The following RANBP2 variants were observed in gnomAD, a reference collection of about 807,000 sequenced individuals.
The protein encoded by RANBP2 is RAN binding protein 2, also known as E3 SUMO-protein ligase RanBP2.
Under a neutral mutation model 303.6 loss-of-function variants are expected in RANBP2, and 57 were observed. That is an observed-to-expected ratio of 0.19 (90% CI 0.15 to 0.23). The LOEUF (loss-of-function observed/expected upper bound fraction) is 0.23, where lower values mean the gene tolerates loss of function less well. RANBP2 is among the 10% of genes least tolerant of loss of function. The pLI, the probability that RANBP2 is intolerant of heterozygous loss-of-function variation, is 1.00. For synonymous variants in RANBP2, 1,167 were observed against 1,301.5 expected (o/e 0.90, Z 2.23); for missense variants, 3,138 against 3,780.8 (o/e 0.83, Z 4.46).
the RANBP2 span, among the ~76,000 whole-genome samples, chr2:109,213,057 C>T: frequency 6.6e-6 from 1 of 152,200 alleles, no homozygotes; most frequent in East Asian, 1.9e-4. Flanking sequence ...AGGATGCAGT[C>T]CTGGGAAGGC....
intron 7 of RANBP2, among the ~76,000 whole-genome samples, chr2:108,745,817 A>G (rs1249144857): frequency 6.6e-6 from 1 of 151,742 alleles, no homozygotes; most frequent in Non-Finnish European, 1.5e-5. Flanking sequence ...TCGAAAAGTA[A>G]TGTAATTAAA....
the RANBP2 span, among the ~76,000 whole-genome samples, chr2:109,467,826 C>A: frequency 6.6e-6 from 1 of 152,202 alleles, no homozygotes; most frequent in African/African-American, 2.4e-5. Context: ...GCTGCACACG[C>A]AGAGGAACAG....
chr2:109,699,350 G>A, the RANBP2 span, among the ~76,000 whole-genome samples: 1 of 151,864 alleles, frequency 6.6e-6, no homozygotes, highest in Non-Finnish European at 1.5e-5. Flanking sequence ...GGGCTAGGGG[G>A]ACTGACCCCC....
At chr2:109,698,758 A>G in the RANBP2 span, among the ~76,000 whole-genome samples, 8 of 149,876 alleles carry the variant, frequency 5.3e-5, no homozygotes, top group African/African-American at 2.0e-4. Flanking sequence ...GTTTTTTTGC[A>G]TTCTTTTAAA....
the RANBP2 span, among the ~76,000 whole-genome samples, chr2:108,796,179 G>A: frequency 1.3e-5 from 2 of 152,034 alleles, no homozygotes; most frequent in African/African-American, 2.4e-5. Flanking sequence ...CTCCCGAGTA[G>A]CTGGGACTAC....
At chr2:109,180,202 A>G in the RANBP2 span, among the ~76,000 whole-genome samples, 1 of 151,850 alleles carries the variant, frequency 6.6e-6, no homozygotes, top group South Asian at 2.1e-4. Context: ...GCTGCCACTG[A>G]ACCACTGCCC....
the RANBP2 span, among the ~76,000 whole-genome samples, chr2:109,088,173 C>T: frequency 2.0e-5 from 3 of 151,762 alleles, no homozygotes; most frequent in Non-Finnish European, 2.9e-5. Context: ...CCGAGGTGGG[C>T]GGATCACAAG....
the RANBP2 span, among the ~76,000 whole-genome samples, chr2:109,713,501 C>T: frequency 8.7e-3 from 1,320 of 152,324 alleles, 5 homozygotes; most frequent in Middle Eastern, 0.044. Context: ...CCTCTCAGCG[C>T]TCCAGCTTCT....
chr2:109,088,139 C>T, the RANBP2 span, among the ~76,000 whole-genome samples: 2 of 152,000 alleles, frequency 1.3e-5, no homozygotes, highest in South Asian at 4.1e-4. Context: ...TGGCTCACAC[C>T]TGTAATCCCA....
At chr2:109,447,620 C>T in the RANBP2 span, among the ~76,000 whole-genome samples, 1 of 152,128 alleles carries the variant, frequency 6.6e-6, no homozygotes, top group Non-Finnish European at 1.5e-5. Context: ...GCCCAGGTCT[C>T]CACTTGGGCC....
rs754864197 is a variant in RANBP2 at position 108,768,005 on chromosome 2, C to T, written c.7466C>T (p.Ala2489Val). 12 of 1,611,788 alleles carry T rather than the reference C, an allele frequency of 7.4e-6. No homozygotes were observed. The South Asian group carries it at 1.3e-4, about 18-fold the overall frequency. The change falls in exon 20 of 29, where the codon GCA (alanine) becomes GTA (valine). Residue 2489 changes from alanine to valine, a missense_variant. Ala to Val is a moderately conservative substitution (Grantham distance 64). Around this residue, in one of 20 missense-constraint regions of RANBP2, gnomAD observed 497 missense variants for 465.8 expected, o/e 1.07. Transcript: ENST00000283195. ...RTDVIQGDDV[A>V]DATSEVEVSS... ...GATGTTATTCAGGGTGATGATGTAG[C>T]AGATGCAACTTCAGAAGTTGAAGTG...
the RANBP2 span, chr2:108,804,893 A>G: frequency 9.0e-6 from 14 of 1,548,562 alleles, no homozygotes; most frequent in East Asian, 2.3e-5. Flanking sequence ...TCCTAGCAGC[A>G]TGATGCAGAA....
the RANBP2 span, among the ~76,000 whole-genome samples, chr2:109,242,408 C>T: frequency 6.6e-6 from 1 of 152,170 alleles, no homozygotes; most frequent in Non-Finnish European, 1.5e-5. Flanking sequence ...TGGTCACACC[C>T]ATAGAGCAGC....
chr2:109,763,282 G>A, the RANBP2 span, among the ~76,000 whole-genome samples: 2 of 150,420 alleles, frequency 1.3e-5, no homozygotes, highest in Admixed American at 6.8e-5. Context: ...ACATGTTTTA[G>A]CTCATTTAAT....
rs1404096217 is a variant in RANBP2, at chr2:108,785,558, A to G, written c.*1657A>G. On this transcript the variant is annotated 3_prime_UTR_variant, in exon 29 of 29. Coordinates refer to ENST00000283195, the MANE Select transcript of RANBP2 (RefSeq NM_006267.5). ...AAATTAAAAAGCTTTAAAAACTTTG[A>G]CCAAAAATTTGACAAAATGACATGT... 2 of 152,344 alleles carry G rather than the reference A, an allele frequency of 1.3e-5. No homozygotes were observed. Among genetic ancestry groups the G allele is most frequent in the East Asian group, 3.9e-4 (2 of 5,188 alleles). The allele number at this position is 152,344 out of a possible 1,614,324, so 9.4% of individuals were successfully genotyped here. A position where few individuals can be genotyped will look rare whatever the true frequency, so the allele number is the denominator to read the frequency against.
the RANBP2 span, among the ~76,000 whole-genome samples, chr2:108,843,844 TTGTG>T: frequency 6.1e-4 from 14 of 22,836 alleles, no homozygotes; most frequent in Admixed American, 1.8e-3. Context: ...AGTTCATGTT[TTGTG>T]TGTGTGTGTG....
chr2:108,754,110 A>C, intron 15 of RANBP2, 139 bp downstream of exon 15: 2 of 1,591,248 alleles, frequency 1.3e-6, no homozygotes, highest in Non-Finnish European at 1.7e-6. Context: ...ATGTGTGTCT[A>C]AATGCTTATA....
At chr2:108,969,170 T>A in the RANBP2 span, among the ~76,000 whole-genome samples, 62 of 152,272 alleles carry the variant, frequency 4.1e-4, no homozygotes, top group African/African-American at 1.4e-3. Flanking sequence ...GCTCTATGGC[T>A]GGTCTTGATC....
At chr2:109,013,996 T>C in the RANBP2 span, among the ~76,000 whole-genome samples, 1 of 152,246 alleles carries the variant, frequency 6.6e-6, no homozygotes, top group African/African-American at 2.4e-5. Context: ...AATGGAGACA[T>C]TCCAGTTCTG....
Sources: gnomAD v4.1 joint callset for allele counts (sites outside exome capture counted in the v4.1 genomes callset) on GRCh38, gnomAD v4.1.1 for gene constraint, gnomAD v4.1.1 regional missense constraint, MANE v1.5 for transcripts, NCBI Gene and HGNC (gene_info 2026-07-23, HGNC 2026-07-21) for gene names.